The following ADGRB3 variants were observed in gnomAD, a reference collection of about 807,000 sequenced individuals.
The protein encoded by ADGRB3 is brain-specific angiogenesis inhibitor 3.
ADGRB3 carries 37 observed loss-of-function variants against 193.4 expected under a neutral mutation model. The observed-to-expected ratio is 0.19, with a 90% CI of 0.15 to 0.25. The LOEUF (loss-of-function observed/expected upper bound fraction) is 0.25. ADGRB3 is among the 10% of genes least tolerant of loss of function. The probability of loss-of-function intolerance (pLI) is 1.00; values close to 1 mark genes in which losing one functional copy is unlikely to be tolerated. For missense variants in ADGRB3, 1,637 were observed against 1,852.9 expected (o/e 0.88, Z 2.14); for synonymous variants, 690 against 644.2 (o/e 1.07, Z -1.08).
intron 3 of ADGRB3, among the ~76,000 whole-genome samples, chr6:68,699,565 T>A (rs1346807230): frequency 6.6e-6 from 1 of 151,860 alleles, no homozygotes; most frequent in Admixed American, 6.6e-5. Context: ...TCAGACAATC[T>A]CTTCTTTTAA....
At chr6:68,822,860 T>A (rs1317195779) in intron 3 of ADGRB3, among the ~76,000 whole-genome samples, 1 of 152,010 alleles carries the variant, frequency 6.6e-6, no homozygotes, top group African/African-American at 2.4e-5. Context: ...TTTGCTGCAA[T>A]TCAGTTAAGA....
intron 3 of ADGRB3, among the ~76,000 whole-genome samples, chr6:68,828,131 A>T (rs1394386735): frequency 2.0e-5 from 3 of 152,070 alleles, no homozygotes; most frequent in Non-Finnish European, 4.4e-5. Context: ...AACTAAAAAC[A>T]TTTTTCAGTG....
intron 3 of ADGRB3, among the ~76,000 whole-genome samples, chr6:68,888,525 CT>C (rs1562072686): frequency 7.1e-6 from 1 of 140,808 alleles, no homozygotes; most frequent in African/African-American, 2.7e-5. Context: ...TTTTCAGTTC[CT>C]TTTTTGGGTA....
chr6:69,341,814 A>G (rs74373773), intron 26 of ADGRB3, among the ~76,000 whole-genome samples: 1,630 of 152,234 alleles, frequency 0.011, 22 homozygotes, highest in African/African-American at 0.037. Flanking sequence ...AGGATGAAGT[A>G]TTTCAGGCTT....
chr6:68,796,414 G>A (rs1205540206), intron 3 of ADGRB3, among the ~76,000 whole-genome samples: 1 of 151,966 alleles, frequency 6.6e-6, no homozygotes, highest in African/African-American at 2.4e-5. Flanking sequence ...ATATTCTGGG[G>A]TTACAAGTAT....
intron 3 of ADGRB3, among the ~76,000 whole-genome samples, chr6:68,837,752 A>G (rs917553083): frequency 2.0e-5 from 3 of 152,118 alleles, no homozygotes; most frequent in South Asian, 2.1e-4. Flanking sequence ...GGGCTATTTC[A>G]TGGTTTCTGA....
intron 29 of ADGRB3, among the ~76,000 whole-genome samples, chr6:69,368,051 C>T (rs535089704): frequency 8.6e-5 from 13 of 150,932 alleles, no homozygotes; most frequent in East Asian, 7.9e-4. Flanking sequence ...TGCTAGATGA[C>T]GAGTTAATGG....
At chr6:69,361,609 T>G (rs913008827) in intron 29 of ADGRB3, 97 bp downstream of exon 29, 4 of 1,327,256 alleles carry the variant, frequency 3.0e-6, no homozygotes, top group Non-Finnish European at 4.1e-6. Context: ...GATGTGACAC[T>G]GGTGTGGGAA....
At chr6:69,376,825 C>T (rs1241058858) in intron 30 of ADGRB3, among the ~76,000 whole-genome samples, 1 of 152,020 alleles carries the variant, frequency 6.6e-6, no homozygotes, top group Non-Finnish European at 1.5e-5. Flanking sequence ...TAGTCCTAGA[C>T]AATAGCCATC....
At chr6:69,040,381 C>CCT (rs1771016293) in intron 13 of ADGRB3, among the ~76,000 whole-genome samples, 5 of 56,072 alleles carry the variant, frequency 8.9e-5, no homozygotes, top group Admixed American at 2.1e-4. Flanking sequence ...TTCTTTCCTT[C>CCT]TCTCTCTTTC....
At chr6:68,775,527 G>A (rs1582191450) in intron 3 of ADGRB3, among the ~76,000 whole-genome samples, 3 of 152,226 alleles carry the variant, frequency 2.0e-5, no homozygotes, top group South Asian at 2.1e-4. Context: ...CCAAAGAGGG[G>A]CCCAAATCTC....
At chr6:69,108,866 G>A (rs1773291074) in intron 17 of ADGRB3, among the ~76,000 whole-genome samples, 1 of 152,190 alleles carries the variant, frequency 6.6e-6, no homozygotes, top group South Asian at 2.1e-4. Context: ...CATTTAAAGA[G>A]TGATTACTTA....
chr6:69,040,691 A>C (rs909727525), intron 13 of ADGRB3, among the ~76,000 whole-genome samples: 19 of 144,166 alleles, frequency 1.3e-4, no homozygotes, highest in African/African-American at 3.3e-4. Context: ...AAAAAAAAAA[A>C]AAAAAAAAAA....
Position 69,132,652 on chromosome 6 carries a change from G to A in ADGRB3, c.2480+56614G>A, listed in dbSNP as rs563150642. Among the ~76,000 whole-genome samples the A allele has an allele frequency of 3.2e-4, 49 of 152,104 alleles. 1 individual carries two copies. In the South Asian group the frequency reaches 9.9e-3, roughly 31 times the overall value. On this transcript the variant is annotated intron_variant, in intron 17 of 31. Transcript: ENST00000370598. ...TAATTAGATCCGATTTGTCTATTTTGGCTTTTGTTGCCATTGCTTTTGGAG... is the reference window on the plus strand; with the variant it reads ...TAATTAGATCCGATTTGTCTATTTTAGCTTTTGTTGCCATTGCTTTTGGAG...
intron 3 of ADGRB3, among the ~76,000 whole-genome samples, chr6:68,912,753 T>G (rs2150238123): frequency 6.6e-6 from 1 of 152,054 alleles, no homozygotes; most frequent in African/African-American, 2.4e-5. Flanking sequence ...CACATTTGCT[T>G]AATCCAGTGC....
intron 3 of ADGRB3, among the ~76,000 whole-genome samples, chr6:68,832,135 T>A (rs1767968006): frequency 1.3e-5 from 2 of 152,136 alleles, no homozygotes; most frequent in African/African-American, 4.8e-5. Flanking sequence ...GTGAATAATC[T>A]AGTAGGATTA....
intron 20 of ADGRB3, among the ~76,000 whole-genome samples, chr6:69,292,499 G>A (rs954283906): frequency 2.0e-5 from 3 of 152,072 alleles, no homozygotes; most frequent in African/African-American, 7.2e-5. Flanking sequence ...TGCATTTGTT[G>A]ATATATTTGT....
intron 17 of ADGRB3, among the ~76,000 whole-genome samples, chr6:69,144,876 G>GTTTCCTTCTTTCTTTCTTTCT: frequency 7.2e-6 from 1 of 139,442 alleles, no homozygotes; most frequent in South Asian, 2.4e-4. Flanking sequence ...TTGTTTGAGT[G>GTTTCCTTCTTTCTTTCTTTCT]TTCTTTCTTT....
intron 3 of ADGRB3, among the ~76,000 whole-genome samples, chr6:68,890,388 G>A (rs1273810272): frequency 2.6e-5 from 4 of 152,120 alleles, no homozygotes; most frequent in Admixed American, 6.5e-5. Context: ...GGACTACAAC[G>A]TGACTGAAGA....
Sources: allele counts gnomAD v4.1 joint callset (sites outside exome capture counted in the v4.1 genomes callset), GRCh38; gene constraint gnomAD v4.1.1; transcripts MANE v1.5; gene names NCBI Gene and HGNC (gene_info 2026-07-23, HGNC 2026-07-21).